TEX2: variants seen among roughly 807,000 people sequenced by gnomAD.
The protein encoded by TEX2 is testis-expressed protein 2.
TEX2 carries 53 observed loss-of-function variants against 106.9 expected under a neutral mutation model. The ratio of observed to expected loss-of-function variants is 0.50; its 90% CI spans 0.40 to 0.62. The LOEUF is 0.62. TEX2 is among the 20% of genes least tolerant of loss of function. TEX2 has a pLI of 0.00. For synonymous variants in TEX2, 523 were observed against 534.8 expected (o/e 0.98, Z 0.30); for missense variants, 1,207 against 1,379.0 (o/e 0.88, Z 1.98).
intron 1 of TEX2, among the ~76,000 whole-genome samples, chr17:64,250,009 G>A (rs1204365286): frequency 6.6e-6 from 1 of 152,196 alleles, no homozygotes; most frequent in Admixed American, 6.5e-5. Context: ...TTTCCCACGG[G>A]TTTTCAGCTA....
intron 7 of TEX2, among the ~76,000 whole-genome samples, chr17:64,166,253 C>T (rs758595980): frequency 7.9e-5 from 12 of 152,236 alleles, no homozygotes; most frequent in Admixed American, 7.2e-4. Flanking sequence ...GTGCTTTACA[C>T]GTAACACTGC....
chr17:64,182,167 C>T (rs2031896910), intron 5 of TEX2, among the ~76,000 whole-genome samples: 1 of 152,162 alleles, frequency 6.6e-6, no homozygotes, highest in Non-Finnish European at 1.5e-5. Context: ...GCGATTCTGA[C>T]TTACGCTACC....
At chr17:64,183,264 T>C (rs979518953) in intron 5 of TEX2, among the ~76,000 whole-genome samples, 1 of 152,228 alleles carries the variant, frequency 6.6e-6, no homozygotes, top group Non-Finnish European at 1.5e-5. Context: ...TACAAGTGTT[T>C]GTGTAAACAT....
At chr17:64,159,971 G>A (rs2030808844) in intron 8 of TEX2, among the ~76,000 whole-genome samples, 1 of 152,202 alleles carries the variant, frequency 6.6e-6, no homozygotes, top group South Asian at 2.1e-4. Flanking sequence ...AAAAGTCTAA[G>A]AGCCAGTATC....
At chr17:64,175,449 C>T (rs566797222) in intron 6 of TEX2, among the ~76,000 whole-genome samples, 4 of 152,302 alleles carry the variant, frequency 2.6e-5, no homozygotes, top group South Asian at 2.1e-4. Flanking sequence ...TGATTATCAA[C>T]GGGAGAAAAT....
chr17:64,225,296 C>T, intron 1 of TEX2, among the ~76,000 whole-genome samples: 1 of 151,578 alleles, frequency 6.6e-6, no homozygotes, highest in East Asian at 1.9e-4. Context: ...TATTTAAAAA[C>T]AACAAAAAAA....
intron 5 of TEX2, 64 bp downstream of exon 5, chr17:64,188,104 T>C: frequency 6.4e-7 from 1 of 1,558,802 alleles, no homozygotes; most frequent in Non-Finnish European, 8.7e-7. Context: ...TCGGAGCACT[T>C]ACGCATGAAG....
chr17:64,209,242 C>A (rs184657042), intron 2 of TEX2, among the ~76,000 whole-genome samples: 29 of 152,306 alleles, frequency 1.9e-4, no homozygotes, highest in Admixed American at 1.0e-3. Flanking sequence ...AGAGTATAAT[C>A]TCCCATTCAG....
At chr17:64,168,986 GATGC>G (rs1271953264) in intron 7 of TEX2, among the ~76,000 whole-genome samples, 1 of 148,084 alleles carries the variant, frequency 6.8e-6, no homozygotes, top group African/African-American at 2.5e-5. Flanking sequence ...AGGCCAGGGT[GATGC>G]TAGGGCCCGA....
At chr17:64,258,884 A>G (rs1423811113) in intron 1 of TEX2, among the ~76,000 whole-genome samples, 2 of 151,958 alleles carry the variant, frequency 1.3e-5, no homozygotes, top group Non-Finnish European at 2.9e-5. Flanking sequence ...TTCAGTCCCA[A>G]GTAGCTGGGA....
At chr17:64,219,248 G>A (rs1388325909) in intron 1 of TEX2, among the ~76,000 whole-genome samples, 1 of 152,168 alleles carries the variant, frequency 6.6e-6, no homozygotes, top group East Asian at 1.9e-4. Flanking sequence ...GCTCACGCCT[G>A]TAATCCCAGC....
intron 1 of TEX2, among the ~76,000 whole-genome samples, chr17:64,225,553 G>A (rs192159541): frequency 3.1e-4 from 47 of 152,174 alleles, no homozygotes; most frequent in African/African-American, 9.6e-4. Context: ...TTCCTAAACC[G>A]TAGGCTCTTG....
intron 4 of TEX2, 66 bp downstream of exon 4, chr17:64,193,488 CTGGCA>C: frequency 1.6e-6 from 2 of 1,268,956 alleles, no homozygotes; most frequent in Non-Finnish European, 2.1e-6. Context: ...TCCTTCCTAC[CTGGCA>C]TTCTTTCTCT....
At position 64,199,131 on chromosome 17, in the gene TEX2, G is replaced by A. The variant is rs114468653; in HGVS notation, c.1645-4036C>T. ...GTTTCTCTCCAATTGCTTTCATTTC[G>A]TCTTTCCTAAATCAGAAAATGCAGA... On this transcript the variant is annotated intron_variant, in intron 2 of 11. Coordinates refer to ENST00000584379, the MANE Select transcript of TEX2 (RefSeq NM_001288732.2). Among the ~76,000 whole-genome samples the A allele has an allele frequency of 2.1e-3, 319 of 152,260 alleles. 1 individual carries two copies. Among genetic ancestry groups the A allele is most frequent in the African/African-American group, 7.3e-3 (303 of 41,554 alleles).
At chr17:64,170,622 C>CTTTTTTTTTTTTTTG (rs2031341466) in intron 7 of TEX2, among the ~76,000 whole-genome samples, 1 of 73,742 alleles carries the variant, frequency 1.4e-5, no homozygotes, top group Non-Finnish European at 2.4e-5. Flanking sequence ...TATTCCAAAT[C>CTTTTTTTTTTTTTTG]TTTTTTTTTT....
intron 4 of TEX2, among the ~76,000 whole-genome samples, chr17:64,191,405 C>A (rs187654836): frequency 6.6e-6 from 1 of 152,286 alleles, no homozygotes; most frequent in East Asian, 1.9e-4. Context: ...CCCATATACC[C>A]CCGTGGGTTA....
chr17:64,170,620 A>ATTTTT (rs1438812052), intron 7 of TEX2, among the ~76,000 whole-genome samples: 120 of 56,350 alleles, frequency 2.1e-3, no homozygotes, highest in East Asian at 5.8e-3. Flanking sequence ...TCTATTCCAA[A>ATTTTT]TCTTTTTTTT....
At position 64,212,761 on chromosome 17, in the gene TEX2, TAC is replaced by T; in HGVS notation, c.1455_1456del (p.Tyr486ProfsTer37). ...ATAGTGGGGGAGGGGGAGGATGAGG[TAC>T]ACATAGACACACATTATAAAGAAGC... is the stretch of plus-strand genomic sequence containing the variant. On this transcript the variant is annotated frameshift_variant, in exon 2 of 12. Coordinates refer to ENST00000584379, the MANE Select transcript of TEX2 (RefSeq NM_001288732.2). LOFTEE classifies it high-confidence loss of function. The T allele has an allele frequency of 6.2e-7, 1 of 1,614,028 alleles. No homozygotes were observed. Among genetic ancestry groups the T allele is most frequent in the Non-Finnish European group, 8.5e-7 (1 of 1,179,998 alleles).
intron 7 of TEX2, among the ~76,000 whole-genome samples, chr17:64,169,081 C>A (rs1355078653): frequency 6.6e-6 from 1 of 152,052 alleles, no homozygotes; most frequent in Non-Finnish European, 1.5e-5. Context: ...CTCTGTCGCC[C>A]AGGCTGGAGT....
Sources: gnomAD v4.1 joint callset for allele counts (sites outside exome capture counted in the v4.1 genomes callset) on GRCh38, gnomAD v4.1.1 for gene constraint, MANE v1.5 for transcripts, NCBI Gene and HGNC (gene_info 2026-07-23, HGNC 2026-07-21) for gene names.